Variants in ABCD3 observed in about 807,000 individuals in gnomAD.
ABCD3 encodes ATP-binding cassette sub-family D member 3.
In ABCD3, 41 loss-of-function variants were observed where a neutral mutation model predicts 105.5. The ratio of observed to expected loss-of-function variants is 0.39; its 90% confidence interval spans 0.30 to 0.50. ABCD3 has a LOEUF of 0.50. Ranked by LOEUF, ABCD3 falls within the 20% of genes least tolerant of loss-of-function variation. The pLI is 0.84. For missense variants in ABCD3, 622 were observed against 806.3 expected, an observed-to-expected ratio of 0.77 and a Z score of 2.77; for synonymous variants, 258 against 269.0, an observed-to-expected ratio of 0.96 and a Z score of 0.40.
At chr1:94,513,050 A>G (rs1029125815) in intron 21 of ABCD3, among the ~76,000 whole-genome samples, 2 of 152,074 alleles carry the variant, frequency 1.3e-5, no homozygotes, top group African/African-American at 4.8e-5. Flanking sequence ...TTCTAAGATG[A>G]TTCAAATGCG....
At chr1:94,495,592 C>G (rs1341473181) in intron 16 of ABCD3, among the ~76,000 whole-genome samples, 1 of 152,122 alleles carries the variant, frequency 6.6e-6, no homozygotes, top group Non-Finnish European at 1.5e-5. Context: ...AAAAGGATAA[C>G]TCAGGATTTC....
Position 94,418,442 on chromosome 1 carries a change from C to CGCCGCT in ABCD3, c.-35_-34insCGCTGC. 1 of 1,547,758 alleles carries CGCCGCT rather than the reference C, an allele frequency of 6.5e-7. No individual in the cohort carries two copies. The highest frequency in any genetic ancestry group is 1.9e-4 in the Middle Eastern group (1 of 5,168). ...AGGTAGCCGCCGCCGCCGCCGCCGC[C>CGCCGCT]GCGTCCCCTCGCCGGCTCGCTGGTA... On this transcript the variant is annotated 5_prime_UTR_variant, in exon 1 of 23. Transcript: ENST00000370214.
At chr1:94,399,561 A>C in the ABCD3 span, among the ~76,000 whole-genome samples, 2 of 152,202 alleles carry the variant, frequency 1.3e-5, no homozygotes, top group Non-Finnish European at 2.9e-5. Flanking sequence ...AAAATTACAC[A>C]GTCATTTATG....
chr1:94,480,393 A>G, intron 8 of ABCD3, 71 bp from the exon 9 acceptor site: 1 of 1,576,538 alleles, frequency 6.3e-7, no homozygotes, highest in African/African-American at 1.3e-5. Context: ...AAAATTGTAC[A>G]TGTTTGTATC....
Position 94,464,866 on chromosome 1 carries a change from G to C in ABCD3, c.239G>C (p.Cys80Ser). Residue 80 changes from cysteine to serine, a missense_variant, in exon 3 of 23, where the codon TGT (cysteine) becomes TCT (serine). Around this residue, in one of 4 missense-constraint regions of ABCD3, gnomAD observed 245 missense variants for 356.4 expected, o/e 0.69. Transcript: ENST00000370214. ...AAAATCATGGTCCCTAGAACATTTTGTAAAGAGGTAAGTCTTATGAAATTA... is the reference window on the plus strand; with the variant it reads ...AAAATCATGGTCCCTAGAACATTTTCTAAAGAGGTAAGTCTTATGAAATTA... The part of the protein sequence containing the change: ...ILKIMVPRTF[C>S]KETGYLVLIA... 1 of 1,612,268 alleles carries C rather than the reference G, an allele frequency of 6.2e-7. No homozygotes were observed. The highest frequency in any genetic ancestry group is 8.5e-7 in the Non-Finnish European group (1 of 1,178,420).
chr1:94,474,291 G>A (rs1648624951), intron 5 of ABCD3, among the ~76,000 whole-genome samples: 1 of 151,752 alleles, frequency 6.6e-6, no homozygotes, highest in African/African-American at 2.4e-5. Flanking sequence ...GTTACTTTAG[G>A]CCATAAACTA....
intron 2 of ABCD3, among the ~76,000 whole-genome samples, chr1:94,461,205 C>G (rs1647851037): frequency 6.6e-6 from 1 of 151,932 alleles, no homozygotes; most frequent in Non-Finnish European, 1.5e-5. Flanking sequence ...TCAGAATTTT[C>G]TAATTTTTCT....
intron 15 of ABCD3, among the ~76,000 whole-genome samples, chr1:94,490,927 AC>A (rs1254442968): frequency 6.6e-6 from 1 of 151,974 alleles, no homozygotes; most frequent in Non-Finnish European, 1.5e-5. Flanking sequence ...GCCAACACTT[AC>A]CGTTTGTCTC....
intron 21 of ABCD3, among the ~76,000 whole-genome samples, chr1:94,513,300 C>T (rs1327874519): frequency 6.6e-6 from 1 of 152,020 alleles, no homozygotes; most frequent in Admixed American, 6.6e-5. Context: ...GACATAGCAG[C>T]TCTTTGCTGG....
intron 20 of ABCD3, among the ~76,000 whole-genome samples, chr1:94,506,144 A>T (rs184030978): frequency 1.1e-3 from 164 of 152,320 alleles, no homozygotes; most frequent in African/African-American, 3.8e-3. Flanking sequence ...TTACTTAAGC[A>T]ACAAAATATT....
At chr1:94,472,181 T>A (rs958231461) in intron 4 of ABCD3, 3 of 968,116 alleles carry the variant, frequency 3.1e-6, no homozygotes, top group Non-Finnish European at 3.7e-6. Context: ...AGTGGAATAA[T>A]AAGCAGAAAT....
At chr1:94,458,922 G>A (rs1300038535) in intron 2 of ABCD3, among the ~76,000 whole-genome samples, 2 of 144,574 alleles carry the variant, frequency 1.4e-5, no homozygotes, top group East Asian at 4.1e-4. Flanking sequence ...CTTTTGTATC[G>A]AGATATATCT....
At chr1:94,428,559 G>T (rs1053112925) in intron 1 of ABCD3, among the ~76,000 whole-genome samples, 4 of 152,126 alleles carry the variant, frequency 2.6e-5, no homozygotes, top group African/African-American at 7.2e-5. Context: ...TTGTAGGAGG[G>T]ACTGGTGGGA....
At chr1:94,432,741 G>GATAAAACCTTTTTT (rs1428845317) in intron 1 of ABCD3, 1 of 152,118 alleles carries the variant, frequency 6.6e-6, no homozygotes, top group East Asian at 1.9e-4. Context: ...GTTAAAAAAG[G>GATAAAACCTTTTTT]TTTTATATTA....
chr1:94,398,168 G>A, the ABCD3 span, among the ~76,000 whole-genome samples: 1 of 152,134 alleles, frequency 6.6e-6, no homozygotes, highest in African/African-American at 2.4e-5. Context: ...TATGGCAAAT[G>A]AAAGCTCTTT....
At chr1:94,471,787 A>G (rs12080254) in intron 4 of ABCD3, among the ~76,000 whole-genome samples, 39,172 of 152,114 alleles carry the variant, frequency 0.26, 5,672 homozygotes, top group Admixed American at 0.34. Context: ...CCTTTTCTAA[A>G]GTAAGTCCAG....
At chr1:94,444,453 C>T (rs1660269200) in intron 1 of ABCD3, among the ~76,000 whole-genome samples, 1 of 151,986 alleles carries the variant, frequency 6.6e-6, no homozygotes, top group South Asian at 2.1e-4. Context: ...GTGTGAGCCA[C>T]TGCACCTGGC....
chr1:94,440,217 T>G (rs979708446), intron 1 of ABCD3, among the ~76,000 whole-genome samples: 1 of 152,252 alleles, frequency 6.6e-6, no homozygotes, highest in Non-Finnish European at 1.5e-5. Context: ...TTTTCTTTTT[T>G]TGTCTGAAAT....
At chr1:94,454,701 G>T (rs1366738038) in intron 1 of ABCD3, among the ~76,000 whole-genome samples, 1 of 152,108 alleles carries the variant, frequency 6.6e-6, no homozygotes, top group Non-Finnish European at 1.5e-5. Context: ...ACCCAAGCTG[G>T]AGTGCAGTGG....
Sources: allele counts gnomAD v4.1 joint callset (sites outside exome capture counted in the v4.1 genomes callset), GRCh38; gene constraint gnomAD v4.1.1; regional missense constraint gnomAD v4.1.1; transcripts MANE v1.5; gene names NCBI Gene and HGNC (gene_info 2026-07-23, HGNC 2026-07-21).